Variants in XKR6 observed in about 807,000 individuals in gnomAD.
The protein encoded by XKR6 is XK-related protein 6.
A neutral mutation model predicts 56.7 loss-of-function variants in XKR6; 22 were observed. That is an observed-to-expected ratio of 0.39 (90% confidence interval 0.28 to 0.55). XKR6 has a LOEUF of 0.55. Ranked by LOEUF, XKR6 falls within the 20% of genes least tolerant of loss-of-function variation. The probability of loss-of-function intolerance (pLI) is 0.66; values close to 1 mark genes in which losing one functional copy is unlikely to be tolerated. For missense variants in XKR6, 852 were observed against 889.0 expected (o/e 0.96, Z 0.53); for synonymous variants, 524 against 387.8 (o/e 1.35, Z -4.13).
chr8:10,951,364 G>A lies in XKR6; in HGVS notation c.765-26534C>T, dbSNP rs533413190. Among the ~76,000 whole-genome samples the A allele has an allele frequency of 3.6e-3, 545 of 151,668 alleles. 1 individual carries two copies. Among genetic ancestry groups the A allele is most frequent in the African/African-American group, 0.012 (493 of 41,258 alleles). Reference sequence around the variant, plus strand: ...ACCAGAATGGGACAAGGTGCTGAGCGACGCATGGGTAACAGCCAGGCTGCA... The same window carrying A: ...ACCAGAATGGGACAAGGTGCTGAGCAACGCATGGGTAACAGCCAGGCTGCA... On this transcript the variant is annotated intron_variant, in intron 1 of 2. Transcript: ENST00000416569.
chr8:10,993,364 AGAAG>A (rs1207893036), intron 1 of XKR6, among the ~76,000 whole-genome samples: 1 of 152,236 alleles, frequency 6.6e-6, no homozygotes, highest in Non-Finnish European at 1.5e-5. Flanking sequence ...GTGACATCAT[AGAAG>A]GAAGAAAGGA....
intron 1 of XKR6, among the ~76,000 whole-genome samples, chr8:10,927,558 T>A: frequency 6.6e-6 from 1 of 151,974 alleles, no homozygotes; most frequent in Non-Finnish European, 1.5e-5. Context: ...GGGTCCCAGG[T>A]CAGTAATGCC....
In XKR6 at chr8:10,974,760, T is replaced by C. The variant is rs567615366; in HGVS notation, c.765-49930A>G. On this transcript the variant is annotated intron_variant, in intron 1 of 2. Transcript: ENST00000416569. The stretch of plus-strand genomic sequence containing the variant: ...GTGCTTCCATAGAAAAAGATGCCAA[T>C]GTGGCAAGTAGTGAAGGAAGCGCAC... 3.3e-5 allele frequency among the ~76,000 whole-genome samples: 5 copies of C among 152,278 alleles called. No homozygotes were observed. In the South Asian group the frequency reaches 8.3e-4, roughly 25 times the overall value.
chr8:11,053,103 G>A (rs1799596886), intron 1 of XKR6, among the ~76,000 whole-genome samples: 1 of 152,178 alleles, frequency 6.6e-6, no homozygotes, highest in African/African-American at 2.4e-5. Flanking sequence ...GACTCCCAAG[G>A]GACCGCAGGC....
At chr8:10,975,096 C>A (rs1385387297) in intron 1 of XKR6, among the ~76,000 whole-genome samples, 2 of 152,190 alleles carry the variant, frequency 1.3e-5, no homozygotes, top group East Asian at 3.9e-4. Context: ...GTTTCTCTCT[C>A]CGGAACACAG....
At chr8:11,032,502 A>C (rs1403880324) in intron 1 of XKR6, among the ~76,000 whole-genome samples, 1 of 152,230 alleles carries the variant, frequency 6.6e-6, no homozygotes, top group Non-Finnish European at 1.5e-5. Context: ...GGGATAAGAA[A>C]AAATAAAATC....
intron 1 of XKR6, among the ~76,000 whole-genome samples, chr8:11,195,750 G>A (rs1241171978): frequency 2.0e-5 from 3 of 151,094 alleles, no homozygotes; most frequent in South Asian, 2.1e-4. Flanking sequence ...CCGGGTTGAC[G>A]CCATTCTCCT....
intron 1 of XKR6, among the ~76,000 whole-genome samples, chr8:10,937,750 C>G (rs1398763735): frequency 2.0e-5 from 3 of 150,068 alleles, no homozygotes; most frequent in Non-Finnish European, 3.0e-5. Context: ...AGGAGGCAGT[C>G]TGCCCGTTCT....
chr8:11,163,860 A>T (rs1287425991), intron 1 of XKR6, among the ~76,000 whole-genome samples: 1 of 152,130 alleles, frequency 6.6e-6, no homozygotes, highest in East Asian at 1.9e-4. Flanking sequence ...GTTGGAACTT[A>T]ACTTTGTTCT....
chr8:11,188,474 T>C (rs769762924), intron 1 of XKR6, among the ~76,000 whole-genome samples: 1 of 152,222 alleles, frequency 6.6e-6, no homozygotes, highest in Non-Finnish European at 1.5e-5. Flanking sequence ...TCCTTTATTG[T>C]AGTTTCTCTT....
rs1434042296 is a variant in XKR6, at chr8:11,101,439, G to C, written c.764+99137C>G. Among the ~76,000 whole-genome samples, 6 of 152,232 alleles carry C rather than the reference G, an allele frequency of 3.9e-5. No individual in the cohort carries two copies. The South Asian group carries it at 1.0e-3, about 26-fold the overall frequency. ...TAGCAGCAGTGACCTAGTGAATTTT[G>C]TTCTGTTCATTTTTGTGCACTCTCT... On this transcript the variant is annotated intron_variant, in intron 1 of 2. Transcript: ENST00000416569.
chr8:11,024,106 G>A (rs951921813), intron 1 of XKR6, among the ~76,000 whole-genome samples: 1 of 151,996 alleles, frequency 6.6e-6, no homozygotes, highest in African/African-American at 2.4e-5. Context: ...TCCATTATTT[G>A]CTCCAGAGAG....
At chr8:10,927,323 C>T (rs1188182112) in intron 1 of XKR6, among the ~76,000 whole-genome samples, 2 of 152,128 alleles carry the variant, frequency 1.3e-5, no homozygotes, top group African/African-American at 2.4e-5. Flanking sequence ...AGCCTCAGTG[C>T]CGTGTGTCTC....
chr8:11,096,750 C>T (rs574722946), intron 1 of XKR6, among the ~76,000 whole-genome samples: 2 of 152,358 alleles, frequency 1.3e-5, no homozygotes, highest in South Asian at 2.1e-4. Context: ...GGGCTCCAGC[C>T]GACAAAGTCT....
intron 1 of XKR6, among the ~76,000 whole-genome samples, chr8:11,171,996 T>G (rs544808106): frequency 1.3e-5 from 2 of 151,016 alleles, no homozygotes; most frequent in South Asian, 2.1e-4. Flanking sequence ...CAGTATGCAG[T>G]GAGCCAACAT....
chr8:11,073,718 T>G (rs1042950890), intron 1 of XKR6, among the ~76,000 whole-genome samples: 1 of 152,178 alleles, frequency 6.6e-6, no homozygotes, highest in Admixed American at 6.5e-5. Flanking sequence ...TCACAGGTTG[T>G]GAAAATGGAT....
chr8:11,024,308 C>A (rs1359717855), intron 1 of XKR6, among the ~76,000 whole-genome samples: 1 of 150,644 alleles, frequency 6.6e-6, no homozygotes, highest in Non-Finnish European at 1.5e-5. Flanking sequence ...GGGTTATTGA[C>A]TCCTGTCCCT....
intron 1 of XKR6, chr8:11,137,734 A>G (rs1586599689): frequency 4.4e-6 from 2 of 456,008 alleles, no homozygotes; most frequent in African/African-American, 4.0e-5. Context: ...GAAGAAAACC[A>G]GTTGGCTCTG....
intron 1 of XKR6, chr8:11,108,549 CAG>C: frequency 1.4e-5 from 5 of 357,644 alleles, no homozygotes; most frequent in Non-Finnish European, 2.7e-5. Context: ...GACTGTGGCT[CAG>C]CGGCCTTAGT....
Sources: allele counts gnomAD v4.1 joint callset (sites outside exome capture counted in the v4.1 genomes callset), GRCh38; gene constraint gnomAD v4.1.1; transcripts MANE v1.5; gene names NCBI Gene and HGNC (gene_info 2026-07-23, HGNC 2026-07-21).